Variants in BMPER observed in about 807,000 individuals in gnomAD.
The protein encoded by BMPER is BMP-binding endothelial regulator protein.
A neutral mutation model predicts 87.3 loss-of-function variants in BMPER; 45 were observed. The observed-to-expected ratio is 0.52, with a 90% CI of 0.41 to 0.66. BMPER has a LOEUF of 0.66. BMPER is among the 30% of genes least tolerant of loss of function. The probability of loss-of-function intolerance (pLI) is 0.00; values close to 1 mark genes in which losing one functional copy is unlikely to be tolerated. For missense variants in BMPER, 784 were observed against 867.5 expected (o/e 0.90, Z 1.21); for synonymous variants, 326 against 316.2 (o/e 1.03, Z -0.33).
intron 13 of BMPER, among the ~76,000 whole-genome samples, chr7:34,121,079 T>C (rs1190472289): frequency 6.6e-6 from 1 of 151,572 alleles, no homozygotes; most frequent in Non-Finnish European, 1.5e-5. Flanking sequence ...TGTATACTTA[T>C]AGATTATTTA....
chr7:33,910,769 T>C (rs1783940698), intron 2 of BMPER, among the ~76,000 whole-genome samples: 1 of 151,088 alleles, frequency 6.6e-6, no homozygotes, highest in South Asian at 2.1e-4. Flanking sequence ...AGACCTTGTC[T>C]GCTGTCTTCT....
At chr7:33,949,896 A>G (rs1266623883) in intron 3 of BMPER, among the ~76,000 whole-genome samples, 1 of 152,214 alleles carries the variant, frequency 6.6e-6, no homozygotes, top group Non-Finnish European at 1.5e-5. Flanking sequence ...AAACCAGGCT[A>G]TTTTGGCATT....
chr7:33,984,634 A>G (rs1785953316), intron 6 of BMPER, among the ~76,000 whole-genome samples: 1 of 152,202 alleles, frequency 6.6e-6, no homozygotes. Context: ...GGTAGATGGA[A>G]GGAGAAATTG....
chr7:34,129,654 A>AAGAAAGAAAGAAAGAAAGAAAGAG, intron 13 of BMPER, among the ~76,000 whole-genome samples: 1 of 150,222 alleles, frequency 6.7e-6, no homozygotes, highest in African/African-American at 2.5e-5. Flanking sequence ...GAAAGAAAGA[A>AAGAAAGAAAGAAAGAAAGAAAGAG]AGAAAGAAAG....
intron 6 of BMPER, 137 bp downstream of exon 6, chr7:33,974,921 C>G (rs773172661): frequency 2.3e-6 from 2 of 880,910 alleles, no homozygotes; most frequent in Non-Finnish European, 3.7e-6. Context: ...GATGTGGAGC[C>G]GAGGGAAAAG....
chr7:33,917,063 C>CA (rs1784102874), intron 2 of BMPER, among the ~76,000 whole-genome samples: 2 of 152,248 alleles, frequency 1.3e-5, no homozygotes, highest in African/African-American at 2.4e-5. Flanking sequence ...ATAAAAGGAA[C>CA]ATTCCCTTTT....
chr7:34,155,650 G>A lies in BMPER; in HGVS notation c.*2377G>A, dbSNP rs1221758063. On this transcript the variant is annotated 3_prime_UTR_variant, in exon 15 of 15. Transcript: ENST00000649409. Reference sequence around the variant, plus strand: ...ATTCAAAGAGCCATCTCTGATGGGAGAGGGTGAGGAAATCAGCTGAATGGT... The same window carrying A: ...ATTCAAAGAGCCATCTCTGATGGGAAAGGGTGAGGAAATCAGCTGAATGGT... 1 of 152,216 alleles carries A rather than the reference G, an allele frequency of 6.6e-6. No individual in the cohort carries two copies. The highest frequency in any genetic ancestry group is 1.9e-4 in the East Asian group (1 of 5,190). The allele number at this position is 152,216 out of a possible 1,614,324, so 9.4% of individuals were successfully genotyped here.
At chr7:34,062,449 C>T (rs1271525379) in intron 11 of BMPER, among the ~76,000 whole-genome samples, 3 of 152,138 alleles carry the variant, frequency 2.0e-5, no homozygotes, top group Admixed American at 6.6e-5. Context: ...CAAACAGCTG[C>T]ACTTCCTGCT....
chr7:34,023,196 T>G (rs1037901453), intron 6 of BMPER, among the ~76,000 whole-genome samples: 5 of 152,184 alleles, frequency 3.3e-5, no homozygotes, highest in African/African-American at 1.2e-4. Flanking sequence ...TTGACCCTGC[T>G]CATAGCAGGA....
intron 3 of BMPER, among the ~76,000 whole-genome samples, chr7:33,947,587 A>G (rs534261802): frequency 2.0e-5 from 3 of 152,316 alleles, no homozygotes; most frequent in Admixed American, 1.3e-4. Context: ...AAAAGGCAAA[A>G]TATAAATATT....
At chr7:34,009,332 T>C (rs1355077730) in intron 6 of BMPER, among the ~76,000 whole-genome samples, 1 of 151,980 alleles carries the variant, frequency 6.6e-6, no homozygotes, top group Non-Finnish European at 1.5e-5. Flanking sequence ...CTTTCTGAAC[T>C]ATTAGGGGCC....
At chr7:34,134,275 T>A (rs1790664553) in intron 13 of BMPER, among the ~76,000 whole-genome samples, 2 of 152,236 alleles carry the variant, frequency 1.3e-5, no homozygotes, top group South Asian at 4.1e-4. Flanking sequence ...CATTTTTATG[T>A]TCTTTTTTAT....
At chr7:34,099,158 C>T (rs112508595) in intron 13 of BMPER, among the ~76,000 whole-genome samples, 50 of 152,254 alleles carry the variant, frequency 3.3e-4, no homozygotes, top group Non-Finnish European at 6.5e-4. Context: ...TGTTGTTCCC[C>T]GTGTGGATGA....
At chr7:33,938,291 G>A (rs1784660756) in intron 3 of BMPER, among the ~76,000 whole-genome samples, 1 of 152,190 alleles carries the variant, frequency 6.6e-6, no homozygotes, top group African/African-American at 2.4e-5. Flanking sequence ...GTGGCAGAGT[G>A]TTCCCCAAAT....
intron 6 of BMPER, among the ~76,000 whole-genome samples, chr7:34,002,251 G>C (rs983487120): frequency 6.6e-5 from 10 of 151,720 alleles, no homozygotes; most frequent in African/African-American, 2.4e-4. Context: ...TGTAGAAACT[G>C]TACTTCTAAT....
intron 5 of BMPER, among the ~76,000 whole-genome samples, chr7:33,971,124 T>G (rs891654349): frequency 2.6e-5 from 4 of 151,160 alleles, no homozygotes; most frequent in Non-Finnish European, 5.9e-5. Context: ...GTTTTTTTGT[T>G]TTTTTTTTTC....
intron 13 of BMPER, among the ~76,000 whole-genome samples, chr7:34,111,832 G>T (rs1789971833): frequency 6.6e-6 from 1 of 152,092 alleles, no homozygotes; most frequent in African/African-American, 2.4e-5. Context: ...TCCTGCCTCA[G>T]CCTCCCAAGT....
At chr7:33,993,523 A>G (rs886263728) in intron 6 of BMPER, among the ~76,000 whole-genome samples, 4 of 150,918 alleles carry the variant, frequency 2.7e-5, no homozygotes, top group African/African-American at 9.8e-5. Context: ...ATTCTTCTAA[A>G]TTTTTTTTCA....
Position 33,944,836 on chromosome 7 carries a change from G to T in BMPER, c.319+7448G>T, listed in dbSNP as rs918018291. 2.0e-5 allele frequency among the ~76,000 whole-genome samples: 3 copies of T among 152,220 alleles called. No individual in the cohort carries two copies. The South Asian group carries it at 6.2e-4, about 32-fold the overall frequency. On this transcript the variant is annotated intron_variant, in intron 3 of 14. Transcript: ENST00000649409. ...AGAAGTTTATATATATTGTAAATTG[G>T]TCTTTACTACTATGCTCATTCTTTA...
Sources: allele counts gnomAD v4.1 joint callset (sites outside exome capture counted in the v4.1 genomes callset), GRCh38; gene constraint gnomAD v4.1.1; transcripts MANE v1.5; gene names NCBI Gene and HGNC (gene_info 2026-07-23, HGNC 2026-07-21).